Variants in ZNF516 observed in about 807,000 individuals in gnomAD.
ZNF516 encodes the protein zinc finger protein 516.
Under a neutral mutation model 79.7 loss-of-function variants are expected in ZNF516, and 19 were observed. The ratio of observed to expected loss-of-function variants is 0.24; its 90% confidence interval spans 0.17 to 0.35. ZNF516 has a LOEUF of 0.35. Ranked by LOEUF, ZNF516 falls within the 10% of genes least tolerant of loss-of-function variation. The probability of loss-of-function intolerance (pLI) is 1.00; values close to 1 mark genes in which losing one functional copy is unlikely to be tolerated. For missense variants in ZNF516, 1,678 were observed against 1,679.5 expected (o/e 1.00, Z 0.02); for synonymous variants, 877 against 739.5 (o/e 1.19, Z -3.02).
At chr18:76,411,514 T>C (rs185564614) in intron 3 of ZNF516, among the ~76,000 whole-genome samples, 30 of 152,296 alleles carry the variant, frequency 2.0e-4, no homozygotes, top group African/African-American at 7.0e-4. Flanking sequence ...CACTATTCCA[T>C]GGCATTCAGA....
At chr18:76,481,564 G>A (rs1329323266) in intron 1 of ZNF516, among the ~76,000 whole-genome samples, 1 of 152,240 alleles carries the variant, frequency 6.6e-6, no homozygotes. Flanking sequence ...TAACCTGGCT[G>A]TGGGACTTTG....
intron 1 of ZNF516, among the ~76,000 whole-genome samples, chr18:76,494,423 C>A (rs1050117911): frequency 1.2e-4 from 18 of 151,624 alleles, no homozygotes; most frequent in African/African-American, 4.1e-4. Context: ...CCCTGCCCAC[C>A]CCTCTCCGAG....
In ZNF516 at chr18:76,379,021, G is replaced by C; in HGVS notation, c.3093C>G (p.Gly1031=). 1.2e-6 allele frequency: 2 copies of C among 1,604,128 alleles called. No homozygotes were observed. The highest frequency in any genetic ancestry group is 1.1e-5 in the South Asian group (1 of 90,220). Residue 1031 remains glycine, a synonymous_variant, in exon 4 of 7, where the codon GGC becomes GGG. Transcript: ENST00000443185. ...RGDAALQAQP[G]VAGAPPVLHS... is the part of the protein sequence containing the mutation. ...GTAGGACGGGGGGCGCCCCAGCCAC[G>C]CCGGGCTGGGCCTGCAAGGCCGCGT...
At chr18:76,490,994 CGCCCCAAGCCCGGGT>C in intron 1 of ZNF516, 3 of 985,374 alleles carry the variant, frequency 3.0e-6, no homozygotes, top group Non-Finnish European at 3.6e-6. Context: ...CCTCGCGAGG[CGCCCCAAGCCCGGGT>C]GCCCACCGCC....
chr18:76,470,112 C>T (rs981825170), intron 1 of ZNF516, among the ~76,000 whole-genome samples: 1 of 152,048 alleles, frequency 6.6e-6, no homozygotes, highest in Non-Finnish European at 1.5e-5. Context: ...CAAAACAAAC[C>T]AAAACACATT....
intron 2 of ZNF516, among the ~76,000 whole-genome samples, chr18:76,461,082 T>C (rs971388673): frequency 1.3e-5 from 2 of 152,194 alleles, no homozygotes. Context: ...CTTGGGAGGC[T>C]GAGGCAGGAC....
intron 3 of ZNF516, among the ~76,000 whole-genome samples, chr18:76,414,411 CAAT>C (rs1346887452): frequency 2.0e-5 from 3 of 152,310 alleles, no homozygotes; most frequent in South Asian, 2.1e-4. Flanking sequence ...TAATGTCTTA[CAAT>C]TTAGCTGATC....
chr18:76,408,416 G>A (rs1414177161), intron 3 of ZNF516, among the ~76,000 whole-genome samples: 1 of 152,164 alleles, frequency 6.6e-6, no homozygotes, highest in East Asian at 1.9e-4. Flanking sequence ...GTTCCAGCCG[G>A]GGTGAAACCA....
chr18:76,407,618 A>G (rs1326350637), intron 3 of ZNF516, among the ~76,000 whole-genome samples: 1 of 152,204 alleles, frequency 6.6e-6, no homozygotes, highest in Non-Finnish European at 1.5e-5. Context: ...ACCAAGCATC[A>G]TTCTAGCAAC....
chr18:76,370,745 C>A lies in ZNF516; in HGVS notation c.3365-150G>T, dbSNP rs962634642. Reference sequence around the variant, plus strand: ...AAATACCAATTTACCGTAACACTTACAGTAAGAGACTGTGATAATGGCTGC... The same window carrying A: ...AAATACCAATTTACCGTAACACTTAAAGTAAGAGACTGTGATAATGGCTGC... On this transcript the variant is annotated intron_variant, in intron 5 of 6. Transcript: ENST00000443185. 18 of 616,766 alleles carry A rather than the reference C, an allele frequency of 2.9e-5. No homozygotes were observed. The African/African-American group carries it at 3.4e-4, about 12-fold the overall frequency. The allele number at this position is 616,766 out of a possible 1,614,324, so 38.2% of individuals were successfully genotyped here. A position where few individuals can be genotyped will look rare whatever the true frequency, so the allele number is the denominator to read the frequency against.
intron 6 of ZNF516, among the ~76,000 whole-genome samples, chr18:76,364,612 T>C (rs1449206529): frequency 6.6e-6 from 1 of 152,210 alleles, no homozygotes; most frequent in East Asian, 1.9e-4. Flanking sequence ...AGGTCCACTT[T>C]CTCTCTTTCT....
chr18:76,443,931 C>T (rs3794933), intron 2 of ZNF516, among the ~76,000 whole-genome samples: 2,630 of 152,336 alleles, frequency 0.017, 35 homozygotes, highest in African/African-American at 0.036. Context: ...ACATGCCCAT[C>T]CCACCCACCA....
intron 3 of ZNF516, among the ~76,000 whole-genome samples, chr18:76,422,079 G>C (rs1368474387): frequency 6.6e-6 from 1 of 152,228 alleles, no homozygotes; most frequent in Non-Finnish European, 1.5e-5. Flanking sequence ...GTAAATCCCA[G>C]AAAAATTCAG....
chr18:76,475,649 C>A (rs1358211109), intron 1 of ZNF516, among the ~76,000 whole-genome samples: 1 of 152,170 alleles, frequency 6.6e-6, no homozygotes, highest in Non-Finnish European at 1.5e-5. Context: ...CACACGGGCA[C>A]CTCCTGCTGG....
intron 3 of ZNF516, among the ~76,000 whole-genome samples, chr18:76,431,960 G>A (rs757956159): frequency 6.6e-6 from 1 of 152,174 alleles, no homozygotes; most frequent in Non-Finnish European, 1.5e-5. Flanking sequence ...AGGCGGCCCC[G>A]CCCACCACTG....
At chr18:76,386,133 C>G (rs2074988147) in intron 3 of ZNF516, 2 of 152,214 alleles carry the variant, frequency 1.3e-5, no homozygotes, top group African/African-American at 4.8e-5. Flanking sequence ...ATTCCGTGAA[C>G]AGGAAGGGGT....
intron 2 of ZNF516, among the ~76,000 whole-genome samples, chr18:76,455,217 C>T (rs1182055589): frequency 1.3e-5 from 2 of 152,160 alleles, no homozygotes; most frequent in African/African-American, 4.8e-5. Flanking sequence ...CTGGATAGTC[C>T]GTTTGGTCAC....
rs761171616 is a variant in ZNF516 at position 76,442,041 on chromosome 18, G to A, written c.1014C>T (p.Ala338=). The change falls in exon 3 of 7, where the codon GCC becomes GCT. Residue 338 remains alanine, a synonymous_variant. Coordinates refer to ENST00000443185, the MANE Select transcript of ZNF516 (RefSeq NM_014643.4). ...GGTTTGTAAACAGGTTCCCGCACTT[G>A]GCGCAGACCTCGTAGAGGCTCAGGC... ...VAGLSLYEVC[A]KCGNLFTNLD... 1.2e-6 allele frequency: 2 copies of A among 1,613,990 alleles called. No individual in the cohort carries two copies. The highest frequency in any genetic ancestry group is 1.7e-6 in the Non-Finnish European group (2 of 1,179,890).
At chr18:76,412,740 T>C (rs1166936732) in intron 3 of ZNF516, among the ~76,000 whole-genome samples, 7 of 152,202 alleles carry the variant, frequency 4.6e-5, no homozygotes, top group African/African-American at 1.7e-4. Context: ...TCCTGGACTC[T>C]TTTCCTCTCA....
Sources: gnomAD v4.1 joint callset for allele counts (sites outside exome capture counted in the v4.1 genomes callset) on GRCh38, gnomAD v4.1.1 for gene constraint, MANE v1.5 for transcripts, NCBI Gene and HGNC (gene_info 2026-07-23, HGNC 2026-07-21) for gene names.